The following TRAPPC8 variants were observed in gnomAD, a reference collection of about 807,000 sequenced individuals.
The protein encoded by TRAPPC8 is trafficking protein particle complex subunit 8.
In TRAPPC8, 54 loss-of-function variants were observed where a neutral mutation model predicts 174.3. The observed-to-expected ratio is 0.31, with a 90% CI of 0.25 to 0.39. The LOEUF (loss-of-function observed/expected upper bound fraction) is 0.39. Ranked by LOEUF, TRAPPC8 falls within the 10% of genes least tolerant of loss-of-function variation. The pLI is 1.00. For synonymous variants in TRAPPC8, 630 were observed against 579.9 expected (o/e 1.09, Z -1.24); for missense variants, 1,531 against 1,699.1 (o/e 0.90, Z 1.74).
At chr18:31,893,402 TGCGC>T (rs71177803) in intron 11 of TRAPPC8, among the ~76,000 whole-genome samples, 132 of 138,346 alleles carry the variant, frequency 9.5e-4, no homozygotes, top group African/African-American at 3.3e-3. Flanking sequence ...TGTGTGTGTG[TGCGC>T]GCGCGCGTGT....
rs1491230596 is a variant in TRAPPC8, at chr18:31,852,875, A to ATG, written c.3434-214_3434-213dup. The ATG allele has an allele frequency of 7.6e-6, 4 of 522,990 alleles. No individual in the cohort carries two copies. The Admixed American group carries it at 9.6e-5, about 13-fold the overall frequency. The allele number at this position is 522,990 out of a possible 1,614,324, so 32.4% of individuals were successfully genotyped here. On this transcript the variant is annotated intron_variant, in intron 22 of 28. Coordinates refer to ENST00000283351, the MANE Select transcript of TRAPPC8 (RefSeq NM_014939.5). ...TCAAAATACATATCCATGTGTGCACATGTATATATATATATGTATTCATAT... is the reference window on the plus strand; with the variant it reads ...TCAAAATACATATCCATGTGTGCACATGTGTATATATATATATGTATTCATAT...
chr18:31,935,359 C>CCAACCAAA (rs1289122198), intron 1 of TRAPPC8, among the ~76,000 whole-genome samples: 2 of 2,338 alleles, frequency 8.6e-4, no homozygotes, highest in African/African-American at 1.5e-3. Flanking sequence ...AACAAACAAA[C>CCAACCAAA]AAACCAAAAA....
chr18:31,864,837 A>G (rs1014926067), intron 18 of TRAPPC8, 56 bp from the exon 19 acceptor site: 4 of 1,442,284 alleles, frequency 2.8e-6, no homozygotes, highest in Non-Finnish European at 3.7e-6. Context: ...ACTGACATCA[A>G]TTTAACTTGA....
chr18:31,919,585 TAAATAA>T (rs2037296604), intron 2 of TRAPPC8, among the ~76,000 whole-genome samples: 2 of 65,374 alleles, frequency 3.1e-5, no homozygotes, highest in African/African-American at 1.0e-4. Context: ...AATAAATAAA[TAAATAA>T]AATAATAATA....
intron 19 of TRAPPC8, among the ~76,000 whole-genome samples, chr18:31,860,766 C>T (rs2034282384): frequency 6.6e-6 from 1 of 152,176 alleles, no homozygotes; most frequent in South Asian, 2.1e-4. Flanking sequence ...TATTCTCTTA[C>T]AAGAAAATAC....
Position 31,931,388 on chromosome 18 carries a change from G to A in TRAPPC8, c.293C>T (p.Pro98Leu). 2 of 1,612,514 alleles carry A rather than the reference G, an allele frequency of 1.2e-6. No individual in the cohort carries two copies. Among genetic ancestry groups the A allele is most frequent in the Non-Finnish European group, 1.7e-6 (2 of 1,179,204 alleles). ...CACATTAGCTACTAATCCTTCTGCA[G>A]GCTGACTGCCAGAAACAACATCATT... ...LLNDVVSGSQPAEGLVANVIT... is the reference protein window; with the variant it reads ...LLNDVVSGSQLAEGLVANVIT... The change falls in exon 2 of 29, where the codon CCT becomes CTT. Residue 98 changes from proline (P) to leucine (L), a missense_variant. Transcript: ENST00000283351.
intron 2 of TRAPPC8, 31 bp downstream of exon 2, chr18:31,931,298 T>C: frequency 1.4e-6 from 2 of 1,470,438 alleles, no homozygotes; most frequent in Non-Finnish European, 1.8e-6. Flanking sequence ...GAAATTTCAC[T>C]CAAAAAATAA....
chr18:31,931,379 C>T lies in TRAPPC8; in HGVS notation c.302G>A (p.Gly101Glu). ...DVVSGSQPAE[G>E]LVANVITAGD... ...TGCTGTAATCACATTAGCTACTAAT[C>T]CTTCTGCAGGCTGACTGCCAGAAAC... The change falls in exon 2 of 29, where the codon GGA becomes GAA. Residue 101 changes from glycine (G) to glutamate (E), a missense_variant. Gly to Glu is a moderately conservative substitution (Grantham distance 98). Coordinates refer to ENST00000283351, the MANE Select transcript of TRAPPC8 (RefSeq NM_014939.5). 1 of 1,612,314 alleles carries T rather than the reference C, an allele frequency of 6.2e-7. No homozygotes were observed. Among genetic ancestry groups the T allele is most frequent in the Non-Finnish European group, 8.5e-7 (1 of 1,179,134 alleles).
chr18:31,905,351 C>T (rs910428677), intron 9 of TRAPPC8, among the ~76,000 whole-genome samples: 1 of 152,084 alleles, frequency 6.6e-6, no homozygotes, highest in East Asian at 1.9e-4. Flanking sequence ...CACAGAAAGG[C>T]GCTCTTTCAG....
intron 2 of TRAPPC8, among the ~76,000 whole-genome samples, chr18:31,922,100 T>C (rs2037415597): frequency 1.3e-5 from 2 of 152,328 alleles, no homozygotes; most frequent in South Asian, 4.1e-4. Context: ...AAGTAAGGTC[T>C]ATGTGTTTGA....
rs1287697745 is a variant in TRAPPC8, at chr18:31,830,971, G to C, written c.4092C>G (p.Ile1364Met). 6.2e-7 allele frequency: 1 copy of C among 1,612,454 alleles called. No individual in the cohort carries two copies. ...HKTTSPEALE[I>M]HGSFTWLGQT... is the part of the protein sequence containing the mutation. Reference sequence around the variant, plus strand: ...GTCCAAGCCATGTGAATGATCCATGGATTTCCAGTGCTTCTGGACTAAGGG... The same window carrying C: ...GTCCAAGCCATGTGAATGATCCATGCATTTCCAGTGCTTCTGGACTAAGGG... Residue 1364 changes from isoleucine (I) to methionine (M), a missense_variant, in exon 29 of 29, where the codon ATC becomes ATG. By Grantham distance (10) the Ile-to-Met change is conservative. Transcript: ENST00000283351.
rs748707967 is a variant in TRAPPC8, at chr18:31,890,730, C to T, written c.1728+5G>A. The T allele has an allele frequency of 1.2e-6, 2 of 1,604,412 alleles. No individual in the cohort carries two copies. Among genetic ancestry groups the T allele is most frequent in the Non-Finnish European group, 1.7e-6 (2 of 1,176,118 alleles). On this transcript the variant is annotated splice_donor_5th_base_variant and intron_variant, in intron 12 of 28. Transcript: ENST00000283351. ...AACTTTTCATTGTAAAGCAAATGCA[C>T]TCACCTGCCCTGCTTTACTAAATCG...
rs1185853442 is a variant in TRAPPC8 at position 31,871,188 on chromosome 18, C to T, written c.2063-68G>A. The T allele has an allele frequency of 8.7e-6, 8 of 922,998 alleles. No homozygotes were observed. In the Admixed American group the frequency reaches 2.6e-4, roughly 30 times the overall value. The allele number at this position is 922,998 out of a possible 1,614,324, so 57.2% of individuals were successfully genotyped here. ...TCAAATAAAACATATTTTAAATAGA[C>T]ATAAGGTACAGAAATAAAAAAATAT... On this transcript the variant is annotated intron_variant, in intron 14 of 28. Transcript: ENST00000283351.
At chr18:31,847,957 C>T (rs2033497747) in intron 25 of TRAPPC8, among the ~76,000 whole-genome samples, 1 of 152,058 alleles carries the variant, frequency 6.6e-6, no homozygotes, top group African/African-American at 2.4e-5. Flanking sequence ...AATGTTCAAG[C>T]TCTTGGTTTT....
rs144068957 is a variant in TRAPPC8 at position 31,942,728 on chromosome 18, G to A, written c.37C>T (p.Pro13Ser). ...QCVQSVQELI[P>S]DSFVPCVAAL... ...GCGACACAGGGGACGAAGGAGTCCG[G>A]GATTAGCTCCTGCACTGATTGTACA... Residue 13 changes from proline to serine, a missense_variant, in exon 1 of 29, where the codon CCG becomes TCG. Transcript: ENST00000283351. 3.7e-6 allele frequency: 6 copies of A among 1,604,864 alleles called. No homozygotes were observed. The African/African-American group carries it at 8.0e-5, about 21-fold the overall frequency.
intron 12 of TRAPPC8, among the ~76,000 whole-genome samples, chr18:31,886,344 GGAAAAAAA>G (rs1403100780): frequency 5.5e-4 from 39 of 71,262 alleles, no homozygotes; most frequent in Admixed American, 6.8e-4. Flanking sequence ...TGTTTCTTGA[GGAAAAAAA>G]AAAAAAAAAA....
rs35234467 is a variant in TRAPPC8 at position 31,932,997 on chromosome 18, C to CAAAAAAAAAAAAAAAA, written c.158-1490_158-1475dup. Among the ~76,000 whole-genome samples the CAAAAAAAAAAAAAAAA allele has an allele frequency of 3.3e-4, 14 of 42,686 alleles. 1 individual carries two copies. Among genetic ancestry groups the CAAAAAAAAAAAAAAAA allele is most frequent in the African/African-American group, 2.1e-3 (14 of 6,712 alleles). The allele number at this position is 42,686 out of a possible 152,430, so 28.0% of individuals were successfully genotyped here. On this transcript the variant is annotated intron_variant, in intron 1 of 28. Coordinates refer to ENST00000283351, the MANE Select transcript of TRAPPC8 (RefSeq NM_014939.5). ...TGGGCGACAGAGTGAGACTCCGTCT[C>CAAAAAAAAAAAAAAAA]AAAAAAAAAAAAAAAAAAAAAAAGC... is the stretch of plus-strand genomic sequence containing the variant.
intron 9 of TRAPPC8, among the ~76,000 whole-genome samples, chr18:31,903,079 C>T (rs1415799615): frequency 6.7e-6 from 1 of 148,314 alleles, no homozygotes; most frequent in African/African-American, 2.5e-5. Context: ...GCCCCTACTC[C>T]TCTCCAGTGT....
chr18:31,880,090 A>AAAATAT (rs1259899654), intron 12 of TRAPPC8, among the ~76,000 whole-genome samples: 88 of 85,340 alleles, frequency 1.0e-3, no homozygotes, highest in Non-Finnish European at 1.5e-3. Flanking sequence ...TGAAAAAAAA[A>AAAATAT]ATATATATAT....
Sources: gnomAD v4.1 joint callset for allele counts (sites outside exome capture counted in the v4.1 genomes callset) on GRCh38, gnomAD v4.1.1 for gene constraint, MANE v1.5 for transcripts, NCBI Gene and HGNC (gene_info 2026-07-23, HGNC 2026-07-21) for gene names.